Variants in FBXL17 observed in about 807,000 individuals in gnomAD.
FBXL17 encodes the protein F-box and leucine rich repeat protein 17.
Under a neutral mutation model 66.2 loss-of-function variants are expected in FBXL17, and 22 were observed. The ratio of observed to expected loss-of-function variants is 0.33; its 90% CI spans 0.24 to 0.47. The LOEUF is 0.47. Among genes scored for constraint, FBXL17 ranks in the 20% least tolerant of loss-of-function variants. The probability of loss-of-function intolerance (pLI) is 1.00; values close to 1 mark genes in which losing one functional copy is unlikely to be tolerated. For synonymous variants in FBXL17, 474 were observed against 400.5 expected (o/e 1.18, Z -2.19); for missense variants, 878 against 948.2 (o/e 0.93, Z 0.97).
intron 4 of FBXL17, among the ~76,000 whole-genome samples, chr5:108,292,087 A>G (rs536160784): frequency 6.6e-6 from 1 of 152,240 alleles, no homozygotes; most frequent in South Asian, 2.1e-4. Context: ...CAATGCTTAA[A>G]GGATAAAAGC....
chr5:107,963,128 T>G (rs2112632155), intron 7 of FBXL17, among the ~76,000 whole-genome samples: 1 of 152,288 alleles, frequency 6.6e-6, no homozygotes, highest in East Asian at 1.9e-4. Flanking sequence ...TGTCCTGATC[T>G]TTTACTAAAG....
intron 6 of FBXL17, among the ~76,000 whole-genome samples, chr5:108,178,538 C>T (rs1053160454): frequency 6.6e-6 from 1 of 152,292 alleles, no homozygotes; most frequent in East Asian, 1.9e-4. Flanking sequence ...CCTCTCAGAA[C>T]TCAGTAAAAT....
chr5:107,997,211 T>C (rs530576365), intron 7 of FBXL17, among the ~76,000 whole-genome samples: 13 of 152,318 alleles, frequency 8.5e-5, no homozygotes, highest in African/African-American at 3.1e-4. Flanking sequence ...TTAGGCAACA[T>C]AGGCAAATAC....
At chr5:108,169,057 G>A (rs1456522396) in intron 6 of FBXL17, among the ~76,000 whole-genome samples, 2 of 152,166 alleles carry the variant, frequency 1.3e-5, no homozygotes, top group African/African-American at 4.8e-5. Flanking sequence ...AGCAATGTCT[G>A]CGTGGATGTC....
At chr5:108,107,820 A>T (rs1749867983) in intron 6 of FBXL17, among the ~76,000 whole-genome samples, 1 of 150,988 alleles carries the variant, frequency 6.6e-6, no homozygotes, top group African/African-American at 2.4e-5. Context: ...TCAAAAAAAA[A>T]AAAGAAAAGA....
chr5:107,893,857 C>T (rs1469610707), intron 7 of FBXL17, among the ~76,000 whole-genome samples: 1 of 152,158 alleles, frequency 6.6e-6, no homozygotes, highest in Non-Finnish European at 1.5e-5. Flanking sequence ...ACATTCACTT[C>T]CACATTGCAG....
In FBXL17 at chr5:108,009,272, TATATATATATATATATATA is replaced by T. The variant is rs1406685232; in HGVS notation, c.1822+11634_1822+11652del. On this transcript the variant is annotated intron_variant, in intron 7 of 8. Transcript: ENST00000542267. ...AGTTGTTCCCTGTTTTATATATATA[TATATATATATATATATATA>T]TATATATATACATATATACATACAC... Among the ~76,000 whole-genome samples, 54 of 19,754 alleles carry T rather than the reference TATATATATATATATATATA, an allele frequency of 2.7e-3. 12 individuals carry two copies. Among genetic ancestry groups the T allele is most frequent in the African/African-American group, 0.01 (54 of 5,322 alleles). 13.0% of individuals were successfully genotyped at this position (19,754 alleles called of 152,430 possible).
intron 6 of FBXL17, among the ~76,000 whole-genome samples, chr5:108,042,524 T>C (rs1747091570): frequency 6.6e-6 from 1 of 152,202 alleles, no homozygotes; most frequent in Non-Finnish European, 1.5e-5. Flanking sequence ...AGTATATAAT[T>C]TGGGGAGACA....
intron 4 of FBXL17, among the ~76,000 whole-genome samples, chr5:108,337,981 T>C (rs1746618458): frequency 6.6e-6 from 1 of 152,028 alleles, no homozygotes; most frequent in South Asian, 2.1e-4. Context: ...GAATGTATAC[T>C]AGATCTGATG....
chr5:108,362,087 T>A (rs1748378600), intron 3 of FBXL17, among the ~76,000 whole-genome samples: 1 of 152,192 alleles, frequency 6.6e-6, no homozygotes, highest in African/African-American at 2.4e-5. Context: ...AGTTTAGGCT[T>A]GTTTTTCAAT....
At chr5:108,191,257 G>T (rs867917699) in intron 5 of FBXL17, among the ~76,000 whole-genome samples, 1 of 152,020 alleles carries the variant, frequency 6.6e-6, no homozygotes, top group Admixed American at 6.6e-5. Flanking sequence ...TGCATATTTG[G>T]GGTTCTAGCA....
chr5:108,190,269 G>A (rs183022401), intron 5 of FBXL17, among the ~76,000 whole-genome samples: 5 of 152,316 alleles, frequency 3.3e-5, no homozygotes, highest in Admixed American at 1.3e-4. Context: ...GAGAGGCTTA[G>A]TCCATTCAGT....
At chr5:108,183,814 G>A (rs1179179164) in intron 6 of FBXL17, among the ~76,000 whole-genome samples, 3 of 152,102 alleles carry the variant, frequency 2.0e-5, no homozygotes, top group African/African-American at 4.8e-5. Flanking sequence ...GAGACATATG[G>A]TATTTGGTTT....
At position 108,023,958 on chromosome 5, in the gene FBXL17, G is replaced by A. The variant is rs180957029; in HGVS notation, c.1746-2957C>T. 2.3e-3 allele frequency among the ~76,000 whole-genome samples: 355 copies of A among 152,264 alleles called. 1 individual carries two copies. Among genetic ancestry groups the A allele is most frequent in the African/African-American group, 8.1e-3 (336 of 41,548 alleles). On this transcript the variant is annotated intron_variant, in intron 6 of 8. Coordinates refer to ENST00000542267, the MANE Select transcript of FBXL17 (RefSeq NM_001163315.3). ...TCACCTTTCTTACAGATACTACATA[G>A]AAGAACATTCATTAATCATAGTCAT...
chr5:108,008,725 C>T (rs288187), intron 7 of FBXL17, among the ~76,000 whole-genome samples: 23,596 of 151,928 alleles, frequency 0.16, 2,216 homozygotes, highest in East Asian at 0.3. Context: ...TTGTGAGTTG[C>T]TCCCTATACA....
At chr5:108,177,972 A>G (rs541171296) in intron 6 of FBXL17, among the ~76,000 whole-genome samples, 7 of 144,862 alleles carry the variant, frequency 4.8e-5, no homozygotes, top group Non-Finnish European at 7.6e-5. Flanking sequence ...TACATGGCCA[A>G]TCATGGTTTT....
chr5:108,321,850 C>T (rs1204097335), intron 4 of FBXL17, among the ~76,000 whole-genome samples: 2 of 151,606 alleles, frequency 1.3e-5, no homozygotes, highest in Non-Finnish European at 2.9e-5. Context: ...ATAAAAAGTG[C>T]CTAGGAAGGT....
chr5:107,962,614 T>C (rs562215704), intron 7 of FBXL17, among the ~76,000 whole-genome samples: 18 of 152,190 alleles, frequency 1.2e-4, no homozygotes, highest in Non-Finnish European at 2.5e-4. Context: ...CATTATTAAA[T>C]GCATTTTAAA....
intron 3 of FBXL17, among the ~76,000 whole-genome samples, chr5:108,358,129 A>C (rs781280968): frequency 5.3e-5 from 8 of 152,140 alleles, no homozygotes; most frequent in Non-Finnish European, 7.4e-5. Flanking sequence ...CTTCGAATAC[A>C]AATAGTTTTA....
Sources: allele counts gnomAD v4.1 joint callset (sites outside exome capture counted in the v4.1 genomes callset), GRCh38; gene constraint gnomAD v4.1.1; transcripts MANE v1.5; gene names NCBI Gene and HGNC (gene_info 2026-07-23, HGNC 2026-07-21).